Variants in STX6 observed in about 807,000 individuals in gnomAD.
STX6 encodes the protein syntaxin 6.
STX6 carries 23 observed loss-of-function variants against 38.0 expected under a neutral mutation model. That is an observed-to-expected ratio of 0.60 (90% CI 0.43 to 0.86). STX6 has a LOEUF of 0.86. Among genes scored for constraint, STX6 ranks in the 40% least tolerant of loss-of-function variants. The pLI is 0.00. For synonymous variants in STX6, 123 were observed against 107.5 expected, an observed-to-expected ratio of 1.14 and a Z score of -0.89; for missense variants, 274 against 312.9, an observed-to-expected ratio of 0.88 and a Z score of 0.94.
chr1:180,999,138 G>T (rs936942789), intron 3 of STX6, among the ~76,000 whole-genome samples: 6 of 152,204 alleles, frequency 3.9e-5, no homozygotes, highest in Non-Finnish European at 8.8e-5. Context: ...AGCAGGTTCG[G>T]TTTTTTCATG....
rs577940815 is a variant in STX6 at position 181,011,883 on chromosome 1, G to A, written c.36-6420C>T. On this transcript the variant is annotated intron_variant, in intron 1 of 7. Transcript: ENST00000258301. The stretch of plus-strand genomic sequence containing the variant: ...TTCACTTTGAGGAGCACTTCCCGTT[G>A]AGTGAGCAGATACAACTGCTGACTG... Among the ~76,000 whole-genome samples the A allele has an allele frequency of 7.0e-4, 107 of 152,328 alleles. 1 individual carries two copies. The South Asian group carries it at 0.021, about 30-fold the overall frequency.
intron 1 of STX6, among the ~76,000 whole-genome samples, chr1:181,018,692 A>C (rs1230181438): frequency 6.6e-6 from 1 of 152,174 alleles, no homozygotes; most frequent in African/African-American, 2.4e-5. Context: ...AAGGAGCTTC[A>C]AACTTCCAAG....
intron 2 of STX6, among the ~76,000 whole-genome samples, chr1:181,003,815 C>T (rs987945789): frequency 7.2e-5 from 11 of 152,282 alleles, no homozygotes; most frequent in Non-Finnish European, 1.5e-4. Context: ...TTTTACAGTT[C>T]TCCAGTGCAT....
At chr1:180,983,302 C>A (rs185229310) in intron 7 of STX6, among the ~76,000 whole-genome samples, 2 of 152,126 alleles carry the variant, frequency 1.3e-5, no homozygotes, top group Non-Finnish European at 2.9e-5. Flanking sequence ...AGGAAACCAA[C>A]AGAAGAAAAG....
chr1:181,021,907 T>C (rs1052287750), intron 1 of STX6, among the ~76,000 whole-genome samples: 21 of 152,206 alleles, frequency 1.4e-4, no homozygotes, highest in Admixed American at 3.3e-4. Flanking sequence ...TCATTTCCTT[T>C]AGCACTGTGA....
intron 1 of STX6, among the ~76,000 whole-genome samples, chr1:181,014,777 G>T (rs927241269): frequency 6.6e-6 from 1 of 152,162 alleles, no homozygotes; most frequent in Non-Finnish European, 1.5e-5. Flanking sequence ...TATTTGAAAG[G>T]AAACACATGC....
rs540314439 is a variant in STX6, at chr1:181,014,586, T to C, written c.35+8053A>G. 2.6e-5 allele frequency among the ~76,000 whole-genome samples: 4 copies of C among 152,250 alleles called. No homozygotes were observed. The South Asian group carries it at 8.3e-4, about 32-fold the overall frequency. ...GGCTAGTCAAGGCTGAAAGTTTCCATTCTAGTAATGAAACATGAAAAATTC... is the reference window on the plus strand; with the variant it reads ...GGCTAGTCAAGGCTGAAAGTTTCCACTCTAGTAATGAAACATGAAAAATTC... On this transcript the variant is annotated intron_variant, in intron 1 of 7. Coordinates refer to ENST00000258301, the MANE Select transcript of STX6 (RefSeq NM_005819.6).
Position 180,989,987 on chromosome 1 carries a change from C to T in STX6, c.486G>A (p.Gln162=). 2 of 1,613,624 alleles carry T rather than the reference C, an allele frequency of 1.2e-6. No homozygotes were observed. Among genetic ancestry groups the T allele is most frequent in the Non-Finnish European group, 1.7e-6 (2 of 1,180,002 alleles). ...AAGTCTGGGGTCCTTGGGGTACCTGCTGCTGTGCCTGCTGCTCCTCAATGA... is the reference window on the plus strand; with the variant it reads ...AAGTCTGGGGTCCTTGGGGTACCTGTTGCTGTGCCTGCTGCTCCTCAATGA... ...SHFIEEQQAQ[Q]QLIVEQQDEQ... Residue 162 remains glutamine (Q), a synonymous_variant, in exon 5 of 8, where the codon CAG becomes CAA. Coordinates refer to ENST00000258301, the MANE Select transcript of STX6 (RefSeq NM_005819.6).
intron 2 of STX6, among the ~76,000 whole-genome samples, chr1:181,004,356 G>A (rs565286947): frequency 5.3e-5 from 8 of 152,316 alleles, no homozygotes; most frequent in East Asian, 3.9e-4. Context: ...GCCTCAGGAC[G>A]AGGGGCTGGT....
chr1:180,990,196 G>A (rs1655715233), intron 4 of STX6, 87 bp from the exon 5 acceptor site: 2 of 1,528,052 alleles, frequency 1.3e-6, no homozygotes, highest in Non-Finnish European at 1.8e-6. Flanking sequence ...GATATAAAGA[G>A]TTTTCACATT....
chr1:180,995,109 C>T (rs562502960), intron 3 of STX6, among the ~76,000 whole-genome samples: 5 of 151,904 alleles, frequency 3.3e-5, no homozygotes, highest in Non-Finnish European at 1.5e-5. Flanking sequence ...ACTACAGGCA[C>T]GCACCACCAC....
At chr1:181,000,562 C>G (rs1201836083) in intron 3 of STX6, among the ~76,000 whole-genome samples, 1 of 152,156 alleles carries the variant, frequency 6.6e-6, no homozygotes, top group Non-Finnish European at 1.5e-5. Context: ...TCCTTTGACA[C>G]ATGGGGATTA....
rs138346566 is a variant in STX6, at chr1:181,014,163, C to T, written c.35+8476G>A. 4.8e-3 allele frequency among the ~76,000 whole-genome samples: 725 copies of T among 152,160 alleles called. 1 individual carries two copies. Among genetic ancestry groups the T allele is most frequent in the Middle Eastern group, 0.017 (5 of 294 alleles). On this transcript the variant is annotated intron_variant, in intron 1 of 7. Transcript: ENST00000258301. ...CTGTAATCCCAGCACTTTGGGAAGC[C>T]GAGGTGGGTGGATCACCAGGTCAGG...
At chr1:180,991,460 T>C (rs943366334) in intron 4 of STX6, among the ~76,000 whole-genome samples, 3 of 152,216 alleles carry the variant, frequency 2.0e-5, no homozygotes, top group African/African-American at 4.8e-5. Flanking sequence ...AAAAATGCTA[T>C]AATGCATCAC....
rs1344598207 is a variant in STX6 at position 181,022,666 on chromosome 1, A to G, written c.8T>C (p.Met3Thr). ...TTTCACCACAAAGAAGGGGTCCTCC[A>G]TGGACATGGCGTCCCGGCCCCGGCC... Reference protein sequence around the residue: MSMEDPFFVVKGE... With the variant: MSTEDPFFVVKGE... The change falls in exon 1 of 8, where the codon ATG becomes ACG. Residue 3 changes from methionine to threonine, a missense_variant. Met to Thr is a moderately conservative substitution (Grantham distance 81, BLOSUM62 -1). Transcript: ENST00000258301. The G allele has an allele frequency of 2.5e-6, 4 of 1,609,968 alleles. No individual in the cohort carries two copies. The highest frequency in any genetic ancestry group is 1.1e-5 in the South Asian group (1 of 90,456).
chr1:181,012,562 A>G (rs78612451), intron 1 of STX6, among the ~76,000 whole-genome samples: 2,080 of 152,286 alleles, frequency 0.014, 56 homozygotes, highest in African/African-American at 0.048. Context: ...GCAATGCAGA[A>G]CTTTCCCAGT....
intron 3 of STX6, among the ~76,000 whole-genome samples, chr1:180,997,690 C>T (rs1655952124): frequency 6.6e-6 from 1 of 152,054 alleles, no homozygotes; most frequent in Non-Finnish European, 1.5e-5. Context: ...AACTAGAAAA[C>T]TAAAAATGAC....
chr1:181,020,147 A>C lies in STX6; in HGVS notation c.35+2492T>G, dbSNP rs974199667. On this transcript the variant is annotated intron_variant, in intron 1 of 7. Transcript: ENST00000258301. ...CAAGAATCGCTTGAACCTGGGAGGC[A>C]GAGGTTGCAGTGAGCCGTGATTGCA... 4.6e-5 allele frequency among the ~76,000 whole-genome samples: 7 copies of C among 152,136 alleles called. 1 individual carries two copies. The highest frequency in any genetic ancestry group is 1.7e-4 in the African/African-American group (7 of 41,414).
chr1:180,990,434 A>G (rs986722014), intron 4 of STX6, among the ~76,000 whole-genome samples: 4 of 152,162 alleles, frequency 2.6e-5, no homozygotes, highest in Admixed American at 1.3e-4. Context: ...CTTGTAAAAG[A>G]GCTCTTCCTG....
Sources: allele counts gnomAD v4.1 joint callset (sites outside exome capture counted in the v4.1 genomes callset), GRCh38; gene constraint gnomAD v4.1.1; transcripts MANE v1.5; gene names NCBI Gene and HGNC (gene_info 2026-07-23, HGNC 2026-07-21).